Variants in PAIP1 observed in about 807,000 individuals in gnomAD.
PAIP1 encodes the protein polyadenylate-binding protein-interacting protein 1.
Under a neutral mutation model 61.3 loss-of-function variants are expected in PAIP1, and 16 were observed. That is an observed-to-expected ratio of 0.26 (90% confidence interval 0.18 to 0.40). The LOEUF (loss-of-function observed/expected upper bound fraction) is 0.40, where lower values mean the gene tolerates loss of function less well. Ranked by LOEUF, PAIP1 falls within the 10% of genes least tolerant of loss-of-function variation. The probability of loss-of-function intolerance (pLI) is 1.00; values close to 1 mark genes in which losing one functional copy is unlikely to be tolerated. For missense variants in PAIP1, 416 were observed against 600.9 expected (o/e 0.69, Z 3.22); for synonymous variants, 187 against 226.2 (o/e 0.83, Z 1.56).
chr5:43,533,343 C>T (rs1747016955), intron 9 of PAIP1, among the ~76,000 whole-genome samples: 1 of 152,160 alleles, frequency 6.6e-6, no homozygotes, highest in East Asian at 1.9e-4. Context: ...ATGTGTAATT[C>T]TTCGTGTAAA....
chr5:43,553,610 G>A (rs566824797), intron 2 of PAIP1, among the ~76,000 whole-genome samples: 73 of 152,268 alleles, frequency 4.8e-4, no homozygotes, highest in Non-Finnish European at 6.9e-4. Context: ...CTTATCCTAA[G>A]AGTCGGGGGA....
intron 9 of PAIP1, 58 bp downstream of exon 9, chr5:43,533,680 G>T: frequency 9.3e-7 from 1 of 1,075,218 alleles, no homozygotes; most frequent in Non-Finnish European, 1.5e-6. Flanking sequence ...GTGGTTTTCT[G>T]TAAATTTACT....
chr5:43,548,400 A>C (rs547011200), intron 2 of PAIP1, among the ~76,000 whole-genome samples: 61 of 151,864 alleles, frequency 4.0e-4, no homozygotes, highest in Middle Eastern at 3.4e-3. Flanking sequence ...TTGGGGAAAA[A>C]AAAAACAAAA....
chr5:43,534,557 G>A (rs886225115), intron 8 of PAIP1, among the ~76,000 whole-genome samples: 4 of 152,176 alleles, frequency 2.6e-5, no homozygotes, highest in African/African-American at 9.7e-5. Flanking sequence ...CTGAGATGCA[G>A]GTCCTTGGTT....
At chr5:43,536,338 T>C (rs936799502) in intron 6 of PAIP1, among the ~76,000 whole-genome samples, 1 of 152,190 alleles carries the variant, frequency 6.6e-6, no homozygotes, top group African/African-American at 2.4e-5. Flanking sequence ...CAAGCAATGC[T>C]GCCATGGCTA....
At chr5:43,553,052 A>G (rs1357248222) in intron 2 of PAIP1, among the ~76,000 whole-genome samples, 1 of 109,988 alleles carries the variant, frequency 9.1e-6, no homozygotes, top group Non-Finnish European at 1.9e-5. Context: ...ATTCTCTTAG[A>G]AAAAAAGCTC....
chr5:43,529,382 C>T (rs1022307171), intron 10 of PAIP1, among the ~76,000 whole-genome samples: 1 of 152,022 alleles, frequency 6.6e-6, no homozygotes, highest in South Asian at 2.1e-4. Context: ...ATAAACACTA[C>T]CACATAGCAC....
intron 9 of PAIP1, among the ~76,000 whole-genome samples, chr5:43,531,710 A>G (rs2112378942): frequency 6.6e-6 from 1 of 151,194 alleles, no homozygotes; most frequent in African/African-American, 2.4e-5. Flanking sequence ...GAAAGAGCAC[A>G]AATGATAAAG....
intron 8 of PAIP1, 95 bp downstream of exon 8, chr5:43,534,758 G>A (rs1747077355): frequency 8.3e-6 from 6 of 724,012 alleles, no homozygotes; most frequent in East Asian, 2.5e-5. Context: ...CAGTTATTAG[G>A]CACTGAATTC....
chr5:43,528,817 G>T (rs902592031), intron 10 of PAIP1, among the ~76,000 whole-genome samples: 2 of 151,990 alleles, frequency 1.3e-5, no homozygotes, highest in Non-Finnish European at 2.9e-5. Context: ...TAAGTAGCCT[G>T]TCCAAATATA....
intron 10 of PAIP1, among the ~76,000 whole-genome samples, chr5:43,529,112 T>A (rs926383419): frequency 2.3e-5 from 3 of 132,500 alleles, no homozygotes; most frequent in Non-Finnish European, 4.7e-5. Context: ...ATTTATGTAT[T>A]CTCATGTAGT....
intron 6 of PAIP1, 63 bp downstream of exon 6, chr5:43,536,756 A>C (rs1747172725): frequency 1.4e-5 from 12 of 863,960 alleles, no homozygotes; most frequent in Non-Finnish European, 3.7e-6. Flanking sequence ...TACTATATAG[A>C]CTAACCTTCC....
intron 9 of PAIP1, among the ~76,000 whole-genome samples, chr5:43,530,286 G>A (rs1746884580): frequency 6.6e-6 from 1 of 152,186 alleles, no homozygotes; most frequent in Admixed American, 6.5e-5. Context: ...TTTTAACAAT[G>A]GGGGATTTTC....
rs183197652 is a variant in PAIP1, at chr5:43,551,701, C to A, written c.436-3788G>T. Among the ~76,000 whole-genome samples, 29 of 149,950 alleles carry A rather than the reference C, an allele frequency of 1.9e-4. No individual in the cohort carries two copies. In the East Asian group the frequency reaches 5.5e-3, roughly 28 times the overall value. On this transcript the variant is annotated intron_variant, in intron 2 of 10. Transcript: ENST00000306846. Reference sequence around the variant, plus strand: ...CTAATTTCCTGTTTCCATCAAATGTCATTCTTCGTGGCAAAAATGCTGCTT... The same window carrying A: ...CTAATTTCCTGTTTCCATCAAATGTAATTCTTCGTGGCAAAAATGCTGCTT...
chr5:43,551,841 C>G (rs950131176), intron 2 of PAIP1, among the ~76,000 whole-genome samples: 1 of 149,516 alleles, frequency 6.7e-6, no homozygotes, highest in Non-Finnish European at 1.5e-5. Flanking sequence ...CTGAATATAG[C>G]AGAACAGAGG....
chr5:43,542,360 C>T (rs531130236), intron 4 of PAIP1, among the ~76,000 whole-genome samples: 2 of 151,586 alleles, frequency 1.3e-5, no homozygotes, highest in African/African-American at 2.4e-5. Flanking sequence ...TGGTGAAACC[C>T]GTCTCTACTA....
At chr5:43,538,634 TCA>T (rs1747253777) in intron 5 of PAIP1, among the ~76,000 whole-genome samples, 1 of 152,168 alleles carries the variant, frequency 6.6e-6, no homozygotes, top group African/African-American at 2.4e-5. Flanking sequence ...CAAAAAGGTA[TCA>T]CTGTTGATAT....
intron 4 of PAIP1, among the ~76,000 whole-genome samples, chr5:43,539,731 T>C: frequency 6.6e-6 from 1 of 152,174 alleles, no homozygotes; most frequent in African/African-American, 2.4e-5. Flanking sequence ...GAAGAAATCC[T>C]CTTCTTGGAG....
intron 3 of PAIP1, among the ~76,000 whole-genome samples, chr5:43,545,787 T>C (rs1215511227): frequency 2.0e-5 from 3 of 152,092 alleles, no homozygotes. Context: ...TTTTTTTTTT[T>C]TGATTCAGAG....
Sources: allele counts gnomAD v4.1 joint callset (sites outside exome capture counted in the v4.1 genomes callset), GRCh38; gene constraint gnomAD v4.1.1; transcripts MANE v1.5; gene names NCBI Gene and HGNC (gene_info 2026-07-23, HGNC 2026-07-21).